The following INSL6 variants were observed in gnomAD, a reference collection of about 807,000 sequenced individuals.
INSL6 encodes insulin like 6, also known as insulin-like peptide INSL6.
Under a neutral mutation model 9.4 loss-of-function variants are expected in INSL6, and 16 were observed. That is an observed-to-expected ratio of 1.70 (90% confidence interval 1.15 to 2.59). The LOEUF (loss-of-function observed/expected upper bound fraction) is 2.59. Among genes scored for constraint, INSL6 ranks in the 30% most tolerant of loss-of-function variants. The pLI is 0.00. For synonymous variants in INSL6, 154 were observed against 96.9 expected, an observed-to-expected ratio of 1.59 and a Z score of -3.46; for missense variants, 391 against 257.3, an observed-to-expected ratio of 1.52 and a Z score of -3.56.
intron 2 of INSL6, among the ~76,000 whole-genome samples, chr9:5,153,074 C>G (rs548639838): frequency 6.6e-6 from 1 of 152,280 alleles, no homozygotes; most frequent in African/African-American, 2.4e-5. Context: ...AGTGCCTACA[C>G]CACCAGGGCC....
the INSL6 span, chr9:5,114,301 G>A: frequency 3.7e-6 from 2 of 542,380 alleles, no homozygotes; most frequent in Non-Finnish European, 3.6e-6. Flanking sequence ...AAGCTGACTT[G>A]GTCCCAGGCC....
chr9:5,079,426 C>G, the INSL6 span, among the ~76,000 whole-genome samples: 2 of 151,940 alleles, frequency 1.3e-5, no homozygotes, highest in Non-Finnish European at 2.9e-5. Context: ...CCACCTATAT[C>G]AATTCCATAT....
chr9:5,012,230 G>C, the INSL6 span, among the ~76,000 whole-genome samples: 2 of 152,148 alleles, frequency 1.3e-5, no homozygotes, highest in African/African-American at 2.4e-5. Flanking sequence ...ACAACAGACT[G>C]TGTATGTAGT....
the INSL6 span, among the ~76,000 whole-genome samples, chr9:5,059,755 A>G: frequency 6.6e-6 from 1 of 152,118 alleles, no homozygotes; most frequent in East Asian, 1.9e-4. Context: ...GTGGATGTGT[A>G]CTGGTAGCTA....
chr9:5,041,518 C>T, the INSL6 span: 15 of 555,126 alleles, frequency 2.7e-5, no homozygotes. Context: ...TAGCGCGCCA[C>T]GCCCATCGAA....
At chr9:5,080,498 C>T in the INSL6 span, 16 of 1,559,524 alleles carry the variant, frequency 1.0e-5, no homozygotes, top group Non-Finnish European at 1.3e-5. Context: ...TGGCATTACA[C>T]AATTTATTCT....
At chr9:5,089,918 T>C in the INSL6 span, 2 of 1,231,548 alleles carry the variant, frequency 1.6e-6, no homozygotes, top group South Asian at 2.5e-5. Flanking sequence ...TGGCATCCTG[T>C]GTAATATAAA....
the INSL6 span, chr9:5,084,901 T>G: frequency 4.4e-6 from 2 of 451,282 alleles, no homozygotes; most frequent in African/African-American, 2.0e-5. Flanking sequence ...TTTAAAATGA[T>G]TTTTGGTTAT....
rs113926778 is a variant in INSL6, at chr9:5,147,341, T to C, written c.377-13749A>G. ...TCTCCTTGGGTCGACTGCAGCTTGCTGGAGGTGTGGATAAGGTGCTTAGGG... is the reference window on the plus strand; with the variant it reads ...TCTCCTTGGGTCGACTGCAGCTTGCCGGAGGTGTGGATAAGGTGCTTAGGG... On this transcript the variant is annotated intron_variant, in intron 2 of 3. Coordinates refer to the INSL6 transcript ENST00000649639. Among the ~76,000 whole-genome samples, 309 of 152,268 alleles carry C rather than the reference T, an allele frequency of 2.0e-3. 1 individual carries two copies. The highest frequency in any genetic ancestry group is 6.9e-3 in the African/African-American group (286 of 41,568).
chr9:5,155,730 G>A (rs559944312), intron 2 of INSL6, among the ~76,000 whole-genome samples: 31 of 151,248 alleles, frequency 2.0e-4, no homozygotes, highest in African/African-American at 7.5e-4. Context: ...GAGAACACAT[G>A]GACACAGGGA....
At chr9:5,039,163 T>C in the INSL6 span, among the ~76,000 whole-genome samples, 4 of 152,036 alleles carry the variant, frequency 2.6e-5, no homozygotes, top group Admixed American at 2.6e-4. Flanking sequence ...GTAGGGAAAT[T>C]AGGCAAGAAA....
the INSL6 span, among the ~76,000 whole-genome samples, chr9:4,996,377 G>A: frequency 6.6e-6 from 1 of 152,052 alleles, no homozygotes; most frequent in Non-Finnish European, 1.5e-5. Flanking sequence ...GTACCTGGGA[G>A]GCAGAGGTTG....
the INSL6 span, among the ~76,000 whole-genome samples, chr9:5,113,219 T>C: frequency 8.3e-3 from 767 of 92,718 alleles, 13 homozygotes; most frequent in African/African-American, 0.03. Flanking sequence ...TTTTTTTTTT[T>C]CCAGTAAACA....
At chr9:5,083,700 A>G in the INSL6 span, among the ~76,000 whole-genome samples, 4 of 152,206 alleles carry the variant, frequency 2.6e-5, no homozygotes, top group African/African-American at 9.6e-5. Context: ...AGAAGTAGAC[A>G]TAACAAAGAA....
intron 3 of INSL6, among the ~76,000 whole-genome samples, chr9:5,124,796 C>T (rs2130859361): frequency 6.6e-6 from 1 of 151,634 alleles, no homozygotes; most frequent in East Asian, 1.9e-4. Context: ...TCAACAAGAA[C>T]ATACATTCAA....
At chr9:5,023,787 A>T in the INSL6 span, among the ~76,000 whole-genome samples, 1 of 151,568 alleles carries the variant, frequency 6.6e-6, no homozygotes, top group East Asian at 1.9e-4. Flanking sequence ...GATATGAGAG[A>T]CCTCTGGTCA....
chr9:5,123,779 G>C (rs1823790138), downstream of INSL6, among the ~76,000 whole-genome samples: 1 of 151,830 alleles, frequency 6.6e-6, no homozygotes, highest in South Asian at 2.1e-4. Flanking sequence ...CAGTGTATAA[G>C]AGTTCCCTTT....
At chr9:5,072,670 A>C in the INSL6 span, 1 of 1,468,078 alleles carries the variant, frequency 6.8e-7, no homozygotes, top group Non-Finnish European at 9.2e-7. Flanking sequence ...ATGCTGTTTA[A>C]AGATGTGCTC....
chr9:5,143,960 A>G (rs564383430), intron 2 of INSL6, among the ~76,000 whole-genome samples: 11 of 152,222 alleles, frequency 7.2e-5, no homozygotes, highest in Admixed American at 1.3e-4. Context: ...GCACTGGCCA[A>G]TTGGTTGATC....
Sources: allele counts gnomAD v4.1 joint callset (sites outside exome capture counted in the v4.1 genomes callset), GRCh38; gene constraint gnomAD v4.1.1; transcripts MANE v1.5; gene names NCBI Gene and HGNC (gene_info 2026-07-23, HGNC 2026-07-21).